EXOSC7: variants seen among roughly 807,000 people sequenced by gnomAD.
EXOSC7 encodes exosome component 7.
Under a neutral mutation model 34.3 loss-of-function variants are expected in EXOSC7, and 25 were observed. The observed-to-expected ratio is 0.73, with a 90% CI of 0.53 to 1.02. EXOSC7 has a LOEUF of 1.02. EXOSC7 is among the 50% of genes least tolerant of loss of function. The probability of loss-of-function intolerance (pLI) is 0.00; values close to 1 mark genes in which losing one functional copy is unlikely to be tolerated. For missense variants in EXOSC7, 370 were observed against 368.5 expected (o/e 1.00, Z -0.03); for synonymous variants, 130 against 143.0 (o/e 0.91, Z 0.65).
intron 4 of EXOSC7, among the ~76,000 whole-genome samples, chr3:44,998,305 G>C (rs1706783602): frequency 6.6e-6 from 1 of 151,662 alleles, no homozygotes; most frequent in African/African-American, 2.4e-5. Context: ...CAAAGTGCGG[G>C]GATTACAGGT....
At chr3:44,994,534 C>T (rs1272067108) in intron 3 of EXOSC7, among the ~76,000 whole-genome samples, 1 of 152,132 alleles carries the variant, frequency 6.6e-6, no homozygotes, top group East Asian at 1.9e-4. Context: ...GTCTCTAAGG[C>T]CTTTTCCAGG....
At chr3:44,978,818 G>C (rs892640837) in intron 1 of EXOSC7, among the ~76,000 whole-genome samples, 2 of 152,186 alleles carry the variant, frequency 1.3e-5, no homozygotes, top group Non-Finnish European at 2.9e-5. Flanking sequence ...TAGAGGTTCA[G>C]TCATTCGCTC....
intron 3 of EXOSC7, among the ~76,000 whole-genome samples, chr3:44,994,649 C>G (rs1041947424): frequency 1.1e-4 from 17 of 152,152 alleles, no homozygotes; most frequent in African/African-American, 4.1e-4. Flanking sequence ...CTTCACACAT[C>G]AGCAGAATAT....
intron 3 of EXOSC7, among the ~76,000 whole-genome samples, chr3:44,994,856 G>GGGGT (rs1313160149): frequency 4.0e-4 from 54 of 134,948 alleles, no homozygotes; most frequent in Middle Eastern, 3.7e-3. Flanking sequence ...TGGAAGAATG[G>GGGGT]GTGTGTGTGT....
chr3:44,977,617 G>A (rs1041045066), intron 1 of EXOSC7, among the ~76,000 whole-genome samples: 2 of 152,214 alleles, frequency 1.3e-5, no homozygotes, highest in Non-Finnish European at 2.9e-5. Context: ...TATGTTATTT[G>A]TGTGTGAGGG....
intron 4 of EXOSC7, 134 bp downstream of exon 4, chr3:44,997,386 A>G (rs1394464021): frequency 3.0e-6 from 2 of 665,214 alleles, no homozygotes; most frequent in African/African-American, 3.6e-5. Flanking sequence ...TTGGGAAAAG[A>G]TGGTCTCCTA....
At chr3:44,994,465 A>G (rs1172417271) in intron 3 of EXOSC7, among the ~76,000 whole-genome samples, 1 of 151,744 alleles carries the variant, frequency 6.6e-6, no homozygotes, top group Non-Finnish European at 1.5e-5. Context: ...CTTTGTTCAG[A>G]TACATGTAGT....
At position 45,011,413 on chromosome 3, in the gene EXOSC7, C is replaced by A; in HGVS notation, c.*74C>A. 3 of 944,998 alleles carry A rather than the reference C, an allele frequency of 3.2e-6. No homozygotes were observed. Among genetic ancestry groups the A allele is most frequent in the Non-Finnish European group, 4.9e-6 (3 of 617,352 alleles). 58.5% of individuals were successfully genotyped at this position (944,998 alleles called of 1,614,324 possible). A position where few individuals can be genotyped will look rare whatever the true frequency, so the allele number is the denominator to read the frequency against. On this transcript the variant is annotated 3_prime_UTR_variant, in exon 8 of 8. Transcript: ENST00000265564. ...AAACCGGTTCGTATATATTTTTCTT[C>A]GCTGTTACGAATTTACAGCAGCATT...
chr3:44,983,394 T>C (rs1356123565), intron 1 of EXOSC7, among the ~76,000 whole-genome samples: 1 of 152,226 alleles, frequency 6.6e-6, no homozygotes, highest in Non-Finnish European at 1.5e-5. Flanking sequence ...TCTGTTCTCT[T>C]GTAACTCTGT....
rs140566643 is a variant in EXOSC7 at position 45,009,247 on chromosome 3, T to C, written c.771+1672T>C. On this transcript the variant is annotated intron_variant, in intron 7 of 7. Transcript: ENST00000265564. ...GGTCTGCTAACTCTGGACAGGGGAC[T>C]ATAGCTCTGTGGCCCTGTCTTACTG... 6.2e-4 allele frequency among the ~76,000 whole-genome samples: 95 copies of C among 152,328 alleles called. 1 individual carries two copies. Among genetic ancestry groups the C allele is most frequent in the Non-Finnish European group, 1.0e-3 (70 of 68,036 alleles).
intron 6 of EXOSC7, 98 bp from the exon 7 acceptor site, chr3:45,007,322 A>T: frequency 7.8e-7 from 1 of 1,278,088 alleles, no homozygotes; most frequent in Non-Finnish European, 1.1e-6. Context: ...CAGTGCAAAT[A>T]CTTTTGCCTG....
chr3:44,982,774 G>A (rs949278627), intron 1 of EXOSC7, among the ~76,000 whole-genome samples: 1 of 152,198 alleles, frequency 6.6e-6, no homozygotes, highest in Non-Finnish European at 1.5e-5. Flanking sequence ...CAGACCCATG[G>A]CACAGAAAGC....
chr3:45,011,199 A>G, intron 7 of EXOSC7, 36 bp from the exon 8 acceptor site: 1 of 1,310,286 alleles, frequency 7.6e-7, no homozygotes, highest in African/African-American at 1.5e-5. Flanking sequence ...GTGCCTTACA[A>G]GGGGGTGTGT....
chr3:45,007,659 T>A, intron 7 of EXOSC7, 84 bp downstream of exon 7: 1 of 1,364,690 alleles, frequency 7.3e-7, no homozygotes, highest in Non-Finnish European at 9.8e-7. Flanking sequence ...CCGTGGGGAT[T>A]CTCCCCATTC....
intron 7 of EXOSC7, among the ~76,000 whole-genome samples, chr3:45,010,902 T>A (rs1301322761): frequency 2.0e-5 from 3 of 152,236 alleles, no homozygotes; most frequent in Non-Finnish European, 4.4e-5. Context: ...CAGATTTGAT[T>A]GACAACTTTG....
At chr3:44,999,111 G>A (rs1409903955) in intron 4 of EXOSC7, among the ~76,000 whole-genome samples, 1 of 152,194 alleles carries the variant, frequency 6.6e-6, no homozygotes, top group African/African-American at 2.4e-5. Flanking sequence ...GGACTGATGT[G>A]CTTTTGATTC....
Position 44,976,284 on chromosome 3 carries a change from T to G in EXOSC7, c.7T>G (p.Ser3Ala). Residue 3 changes from serine to alanine, a missense_variant, in exon 1 of 8, where the codon TCC becomes GCC. Coordinates refer to ENST00000265564, the MANE Select transcript of EXOSC7 (RefSeq NM_015004.4). Reference sequence around the variant, plus strand: ...CGTGGGGCAGCTCGGCAGCATGGCGTCCGTGACGCTGAGCGAGGCGGAGAA... The same window carrying G: ...CGTGGGGCAGCTCGGCAGCATGGCGGCCGTGACGCTGAGCGAGGCGGAGAA... MA[S>A]VTLSEAEKVY... 1 of 1,561,618 alleles carries G rather than the reference T, an allele frequency of 6.4e-7. No individual in the cohort carries two copies. The highest frequency in any genetic ancestry group is 8.6e-7 in the Non-Finnish European group (1 of 1,160,052).
rs553074050 is a variant in EXOSC7, at chr3:45,004,529, T to C, written c.492-762T>C. On this transcript the variant is annotated intron_variant, in intron 5 of 7. Coordinates refer to ENST00000265564, the MANE Select transcript of EXOSC7 (RefSeq NM_015004.4). ...CCTTGGCCTCTGAAAGTACTGGGAT[T>C]ACAGGCATGAGCCACCATGCCTGGC... 4 of 151,106 alleles carry C rather than the reference T, an allele frequency of 2.6e-5. No homozygotes were observed. In the East Asian group the frequency reaches 7.8e-4, roughly 29 times the overall value. The allele number at this position is 151,106 out of a possible 1,614,324, so 9.4% of individuals were successfully genotyped here.
chr3:44,986,709 G>A (rs886569680), intron 1 of EXOSC7, among the ~76,000 whole-genome samples: 1 of 152,244 alleles, frequency 6.6e-6, no homozygotes, highest in African/African-American at 2.4e-5. Context: ...GGCTGCACAG[G>A]ACCTTCCACC....
Sources: allele counts gnomAD v4.1 joint callset (sites outside exome capture counted in the v4.1 genomes callset), GRCh38; gene constraint gnomAD v4.1.1; transcripts MANE v1.5; gene names NCBI Gene and HGNC (gene_info 2026-07-23, HGNC 2026-07-21).